The following DCUN1D5 variants were observed in gnomAD, a reference collection of about 807,000 sequenced individuals.
DCUN1D5 encodes defective in cullin neddylation 1 domain containing 5, also known as DCN1-like protein 5.
DCUN1D5 carries 10 observed loss-of-function variants against 38.3 expected under a neutral mutation model. That is an observed-to-expected ratio of 0.26 (90% CI 0.16 to 0.44). DCUN1D5 has a LOEUF of 0.44. Among genes scored for constraint, DCUN1D5 ranks in the 20% least tolerant of loss-of-function variants. The pLI, the probability that DCUN1D5 is intolerant of heterozygous loss-of-function variation, is 1.00. For synonymous variants in DCUN1D5, 93 were observed against 90.9 expected (o/e 1.02, Z -0.13); for missense variants, 148 against 275.3 (o/e 0.54, Z 3.27).
chr11:103,072,329 G>A (rs2134614213), intron 4 of DCUN1D5, among the ~76,000 whole-genome samples: 1 of 143,944 alleles, frequency 6.9e-6, no homozygotes, highest in South Asian at 2.2e-4. Flanking sequence ...ATTCCTCAAG[G>A]ATCTAGAACT....
chr11:103,091,980 A>C lies in DCUN1D5; in HGVS notation c.-108T>G. On this transcript the variant is annotated 5_prime_UTR_variant, in exon 1 of 8. Transcript: ENST00000260247. This position sits in a 1 kb window ranked among gnomAD's most constrained non-coding sequence, Gnocchi z 4.3. The stretch of plus-strand genomic sequence containing the variant: ...AGTTCCCAGAGACAGCAGCAAGCGG[A>C]GGAGCAGAGTCGCCAGCCCGCACCG... The C allele has an allele frequency of 9.3e-7, 1 of 1,069,664 alleles. No homozygotes were observed. Among genetic ancestry groups the C allele is most frequent in the South Asian group, 1.6e-5 (1 of 62,896 alleles). The allele number at this position is 1,069,664 out of a possible 1,614,324, so 66.3% of individuals were successfully genotyped here. A position where few individuals can be genotyped will look rare whatever the true frequency, so the allele number is the denominator to read the frequency against.
At position 103,053,857 on chromosome 11, in the gene DCUN1D5, G is replaced by C. The variant is rs143455344; in HGVS notation, c.*8502C>G. 1.3e-5 allele frequency: 2 copies of C among 152,102 alleles called. No individual in the cohort carries two copies. Among genetic ancestry groups the C allele is most frequent in the East Asian group, 3.9e-4 (2 of 5,178 alleles). 9.4% of individuals were successfully genotyped at this position (152,102 alleles called of 1,614,324 possible). ...CAAGTCCATCCTATGAGGTTCAATT[G>C]ATGTTTTTCCAGATAGCAAAGAGTA... is the stretch of plus-strand genomic sequence containing the variant. On this transcript the variant is annotated 3_prime_UTR_variant, in exon 8 of 8. Coordinates refer to ENST00000260247, the MANE Select transcript of DCUN1D5 (RefSeq NM_032299.4). This position sits in a 1 kb window ranked among gnomAD's most constrained non-coding sequence, Gnocchi z 4.8.
rs536970179 is a variant in DCUN1D5 at position 103,065,681 on chromosome 11, C to T, written c.555+588G>A. Among the ~76,000 whole-genome samples the T allele has an allele frequency of 6.6e-6, 1 of 151,830 alleles. No homozygotes were observed. Among genetic ancestry groups the T allele is most frequent in the East Asian group, 1.9e-4 (1 of 5,186 alleles). On this transcript the variant is annotated intron_variant, in intron 6 of 7. Transcript: ENST00000260247. The surrounding 1 kb of genome is among the most constrained non-coding windows in gnomAD (Gnocchi z 4.6). ...AAAGAATAGCATCTTCTTAGAATCA[C>T]TGCCTATAGTAGTTGCTATGATAAA...
chr11:103,084,165 C>A (rs1441088362), intron 2 of DCUN1D5, among the ~76,000 whole-genome samples: 1 of 152,034 alleles, frequency 6.6e-6, no homozygotes, highest in East Asian at 1.9e-4. Context: ...AAGAATAAAA[C>A]AAATTTTGTA....
Position 103,053,752 on chromosome 11 carries a change from A to G in DCUN1D5, c.*8607T>C, listed in dbSNP as rs781613671. The G allele has an allele frequency of 6.6e-6, 1 of 152,068 alleles. No individual in the cohort carries two copies. Among genetic ancestry groups the G allele is most frequent in the Non-Finnish European group, 1.5e-5 (1 of 67,962 alleles). 9.4% of individuals were successfully genotyped at this position (152,068 alleles called of 1,614,324 possible). ...ATGTACCCCCCAAATAAATACATCTATTATGTATCAATGAAAAAAATGTAT... is the reference window on the plus strand; with the variant it reads ...ATGTACCCCCCAAATAAATACATCTGTTATGTATCAATGAAAAAAATGTAT... On this transcript the variant is annotated 3_prime_UTR_variant, in exon 8 of 8. Coordinates refer to ENST00000260247, the MANE Select transcript of DCUN1D5 (RefSeq NM_032299.4). The surrounding 1 kb of genome is among the most constrained non-coding windows in gnomAD (Gnocchi z 4.8).
chr11:103,091,258 C>A lies in DCUN1D5; in HGVS notation c.86+529G>T, dbSNP rs538141058. Among the ~76,000 whole-genome samples, 22 of 152,176 alleles carry A rather than the reference C, an allele frequency of 1.4e-4. No individual in the cohort carries two copies. Among genetic ancestry groups the A allele is most frequent in the Admixed American group, 7.9e-4 (12 of 15,282 alleles). ...TTAAAAGGCCTCCTGCTGGGACCTT[C>A]CGGGTTAGGCCACTCCAAATACTAA... On this transcript the variant is annotated intron_variant, in intron 1 of 7. Coordinates refer to ENST00000260247, the MANE Select transcript of DCUN1D5 (RefSeq NM_032299.4). The surrounding 1 kb of genome is among the most constrained non-coding windows in gnomAD (Gnocchi z 4.3).
In DCUN1D5 at chr11:103,059,870, C is replaced by T. The variant is rs182637885; in HGVS notation, c.*2489G>A. ...CAACTCCATGTTATAAAGCACCATA[C>T]GGTATTTCATCCTGTACAAAGGGAA... On this transcript the variant is annotated 3_prime_UTR_variant, in exon 8 of 8. Transcript: ENST00000260247. Among the ~76,000 whole-genome samples, 9 of 152,162 alleles carry T rather than the reference C, an allele frequency of 5.9e-5. No homozygotes were observed. The highest frequency in any genetic ancestry group is 1.3e-4 in the Admixed American group (2 of 15,278).
rs1444259737 is a variant in DCUN1D5 at position 103,087,155 on chromosome 11, A to T, written c.178+2072T>A. 1.4e-5 allele frequency among the ~76,000 whole-genome samples: 2 copies of T among 147,254 alleles called. No individual in the cohort carries two copies. The highest frequency in any genetic ancestry group is 6.7e-5 in the Admixed American group (1 of 14,832). On this transcript the variant is annotated intron_variant, in intron 2 of 7. Transcript: ENST00000260247. This position sits in a 1 kb window ranked among gnomAD's most constrained non-coding sequence, Gnocchi z 4.1. ...AGTTTGGGCAACATCGTGAAACCCC[A>T]TTTCTTTTTTTCTTTTTCTTTTTTT...
rs1360876242 is a variant in DCUN1D5 at position 103,054,904 on chromosome 11, C to A, written c.*7455G>T. 6.6e-6 allele frequency: 1 copy of A among 152,046 alleles called. No homozygotes were observed. Among genetic ancestry groups the A allele is most frequent in the Non-Finnish European group, 1.5e-5 (1 of 67,974 alleles). The allele number at this position is 152,046 out of a possible 1,614,324, so 9.4% of individuals were successfully genotyped here. On this transcript the variant is annotated 3_prime_UTR_variant, in exon 8 of 8. Coordinates refer to ENST00000260247, the MANE Select transcript of DCUN1D5 (RefSeq NM_032299.4). ...AACATAGTAGATGGCAAACCTGTCA[C>A]ATAAGAAACAACTGCATTCATTAAT...
In DCUN1D5 at chr11:103,054,841, A is replaced by G. The variant is rs1861832938; in HGVS notation, c.*7518T>C. ...TGCCAGTCCTAGATGTACTAAAATCAATTAGCCTTATTTTATGCTTTCCTA... is the reference window on the plus strand; with the variant it reads ...TGCCAGTCCTAGATGTACTAAAATCGATTAGCCTTATTTTATGCTTTCCTA... On this transcript the variant is annotated 3_prime_UTR_variant, in exon 8 of 8. Coordinates refer to ENST00000260247, the MANE Select transcript of DCUN1D5 (RefSeq NM_032299.4). The G allele has an allele frequency of 6.6e-6, 1 of 152,068 alleles. No homozygotes were observed. Among genetic ancestry groups the G allele is most frequent in the Non-Finnish European group, 1.5e-5 (1 of 67,980 alleles). The allele number at this position is 152,068 out of a possible 1,614,324, so 9.4% of individuals were successfully genotyped here.
Position 103,091,653 on chromosome 11 carries a change from C to T in DCUN1D5, c.86+134G>A, listed in dbSNP as rs561456386. Reference sequence around the variant, plus strand: ...CGCGGAGACTCGCGGTGTTCGGCACCTACAGCCTAGCTCGATCAAAGGGGC... The same window carrying T: ...CGCGGAGACTCGCGGTGTTCGGCACTTACAGCCTAGCTCGATCAAAGGGGC... On this transcript the variant is annotated intron_variant, in intron 1 of 7. Transcript: ENST00000260247. The surrounding 1 kb of genome is among the most constrained non-coding windows in gnomAD (Gnocchi z 4.3). 8 of 1,556,964 alleles carry T rather than the reference C, an allele frequency of 5.1e-6. No individual in the cohort carries two copies. The East Asian group carries it at 1.9e-4, about 36-fold the overall frequency.
At position 103,059,678 on chromosome 11, in the gene DCUN1D5, C is replaced by A. The variant is rs117794349; in HGVS notation, c.*2681G>T. Among the ~76,000 whole-genome samples, 6,657 of 146,490 alleles carry A rather than the reference C, an allele frequency of 0.045. 207 individuals carry two copies. Among genetic ancestry groups the A allele is most frequent in the Non-Finnish European group, 0.063 (4,218 of 67,434 alleles). ...ATACACCGTTTTCATCACACACTGT[C>A]ACCTGAATCCCTGGCAATTTCCTAG... On this transcript the variant is annotated 3_prime_UTR_variant, in exon 8 of 8. Transcript: ENST00000260247.
At chr11:103,070,114 CAA>C (rs60686420) in intron 4 of DCUN1D5, among the ~76,000 whole-genome samples, 15 of 131,944 alleles carry the variant, frequency 1.1e-4, no homozygotes, top group East Asian at 4.4e-4. Context: ...AAAGTCTCAG[CAA>C]AAAAAAAAAA....
chr11:103,060,783 A>T lies in DCUN1D5; in HGVS notation c.*1576T>A, dbSNP rs1861993004. 6.6e-6 allele frequency among the ~76,000 whole-genome samples: 1 copy of T among 152,168 alleles called. No homozygotes were observed. The highest frequency in any genetic ancestry group is 1.5e-5 in the Non-Finnish European group (1 of 68,002). On this transcript the variant is annotated 3_prime_UTR_variant, in exon 8 of 8. Transcript: ENST00000260247. ...TGTTCTTCAGTTCAGATGTGCCTTG[A>T]AGAGTCAACTAAATTATAAATTTAA...
At position 103,063,011 on chromosome 11, in the gene DCUN1D5, GA is replaced by G. The variant is rs553489101; in HGVS notation, c.659-598del. On this transcript the variant is annotated intron_variant, in intron 7 of 7. Coordinates refer to ENST00000260247, the MANE Select transcript of DCUN1D5 (RefSeq NM_032299.4). This position sits in a 1 kb window ranked among gnomAD's most constrained non-coding sequence, Gnocchi z 4.6. ...CAGTGTTTATTTTGTTTAAATGTAG[GA>G]AAAAAATCACCGCCACAAAGAAATA... 1.8e-3 allele frequency among the ~76,000 whole-genome samples: 266 copies of G among 151,862 alleles called. 1 individual carries two copies. Among genetic ancestry groups the G allele is most frequent in the Non-Finnish European group, 3.3e-3 (227 of 67,768 alleles).
In DCUN1D5 at chr11:103,083,050, T is replaced by C. The variant is rs1862606560; in HGVS notation, c.249+206A>G. 6.6e-6 allele frequency among the ~76,000 whole-genome samples: 1 copy of C among 152,062 alleles called. No homozygotes were observed. Among genetic ancestry groups the C allele is most frequent in the Non-Finnish European group, 1.5e-5 (1 of 67,884 alleles). On this transcript the variant is annotated intron_variant, in intron 3 of 7. Transcript: ENST00000260247. The surrounding 1 kb of genome is among the most constrained non-coding windows in gnomAD (Gnocchi z 4.4). ...TCTAACAGTTTCTGAAGGTAGAATC[T>C]CTTATTCTATTACATATAACATTTG...
chr11:103,065,427 GATTA>G lies in DCUN1D5; in HGVS notation c.555+838_555+841del, dbSNP rs1862111476. On this transcript the variant is annotated intron_variant, in intron 6 of 7. Coordinates refer to ENST00000260247, the MANE Select transcript of DCUN1D5 (RefSeq NM_032299.4). The surrounding 1 kb of genome is among the most constrained non-coding windows in gnomAD (Gnocchi z 4.6). ...CTGCCTTGGCCTCCCAACGTGCTGG[GATTA>G]CAGGCGTGTGCCACCACGCCCAGCT... 6.6e-6 allele frequency among the ~76,000 whole-genome samples: 1 copy of G among 152,138 alleles called. No individual in the cohort carries two copies. The highest frequency in any genetic ancestry group is 1.5e-5 in the Non-Finnish European group (1 of 68,012).
In DCUN1D5 at chr11:103,062,792, T is replaced by A. The variant is rs1190898880; in HGVS notation, c.659-378A>T. ...CCTCCCCAAGAAGTGTACAAGCTTGTTGAGAGGGATCAGCCATAATAGAGA... is the reference window on the plus strand; with the variant it reads ...CCTCCCCAAGAAGTGTACAAGCTTGATGAGAGGGATCAGCCATAATAGAGA... On this transcript the variant is annotated intron_variant, in intron 7 of 7. Transcript: ENST00000260247. The surrounding 1 kb of genome is among the most constrained non-coding windows in gnomAD (Gnocchi z 4.6). Among the ~76,000 whole-genome samples the A allele has an allele frequency of 6.6e-6, 1 of 152,078 alleles. No individual in the cohort carries two copies. The highest frequency in any genetic ancestry group is 2.4e-5 in the African/African-American group (1 of 41,428).
rs1862258082 is a variant in DCUN1D5 at position 103,071,032 on chromosome 11, T to C, written c.342-4465A>G. On this transcript the variant is annotated intron_variant, in intron 4 of 7. Coordinates refer to ENST00000260247, the MANE Select transcript of DCUN1D5 (RefSeq NM_032299.4). This position sits in a 1 kb window ranked among gnomAD's most constrained non-coding sequence, Gnocchi z 4.1. ...CATTAAACTAAATGAAAATACAACATATCAAAATGTTGACATACAAATAAA... is the reference window on the plus strand; with the variant it reads ...CATTAAACTAAATGAAAATACAACACATCAAAATGTTGACATACAAATAAA... 6.6e-6 allele frequency among the ~76,000 whole-genome samples: 1 copy of C among 152,002 alleles called. No individual in the cohort carries two copies. The highest frequency in any genetic ancestry group is 2.4e-5 in the African/African-American group (1 of 41,402).
Sources: gnomAD v4.1 joint callset for allele counts (sites outside exome capture counted in the v4.1 genomes callset) on GRCh38, gnomAD v4.1.1 for gene constraint, Gnocchi (gnomAD v3.1) non-coding constraint, MANE v1.5 for transcripts, NCBI Gene and HGNC (gene_info 2026-07-23, HGNC 2026-07-21) for gene names.